The following COL11A2 variants were observed in gnomAD, a reference collection of about 807,000 sequenced individuals.
COL11A2 encodes the protein collagen type XI alpha 2 chain, also known as collagen alpha-2(XI) chain.
COL11A2 carries 116 observed loss-of-function variants against 273.4 expected under a neutral mutation model. The ratio of observed to expected loss-of-function variants is 0.42; its 90% CI spans 0.36 to 0.49. The LOEUF is 0.49. COL11A2 is among the 20% of genes least tolerant of loss of function. COL11A2 has a pLI of 0.00. For missense variants in COL11A2, 1,866 were observed against 2,309.0 expected, an observed-to-expected ratio of 0.81 and a Z score of 3.93; for synonymous variants, 782 against 864.2, an observed-to-expected ratio of 0.90 and a Z score of 1.67.
In COL11A2 at chr6:33,172,149, A is replaced by C. The variant is rs754661212; in HGVS notation, c.2989-46T>G. ...GAAGATGAGACTTCACGAAAAGAGA[A>C]GGGTGAGAGCTGGAGAGGGAAGACA... On this transcript the variant is annotated intron_variant, in intron 40 of 65. Transcript: ENST00000341947. 2.5e-6 allele frequency: 4 copies of C among 1,608,270 alleles called. No homozygotes were observed. The African/African-American group carries it at 5.4e-5, about 22-fold the overall frequency.
rs368488233 is a variant in COL11A2, at chr6:33,165,645, C to T, written c.4654G>A (p.Glu1552Lys). 17 of 1,612,770 alleles carry T rather than the reference C, an allele frequency of 1.1e-5. No homozygotes were observed. The highest frequency in any genetic ancestry group is 1.7e-5 in the Admixed American group (1 of 60,010). Residue 1552 changes from glutamate (E) to lysine (K), a missense_variant, in exon 63 of 66, where the codon GAG becomes AAG. Coordinates refer to ENST00000341947, the MANE Select transcript of COL11A2 (RefSeq NM_080680.3). The surrounding 1 kb of genome is among the most constrained non-coding windows in gnomAD (Gnocchi z 7.7). Reference sequence around the variant, plus strand: ...GGCCGCCTCATCTGCTCGATCTCCTCCCGCAGGGAGTCGAGTGAGCCAAAG... The same window carrying T: ...GGCCGCCTCATCTGCTCGATCTCCTTCCGCAGGGAGTCGAGTGAGCCAAAG... Reference protein sequence around the residue: ...EIFGSLDSLREEIEQMRRPTG... With the variant: ...EIFGSLDSLRKEIEQMRRPTG...
In COL11A2 at chr6:33,176,952, G is replaced by T. The variant is rs1291235914; in HGVS notation, c.2070+40C>A. On this transcript the variant is annotated intron_variant, in intron 25 of 65. Coordinates refer to ENST00000341947, the MANE Select transcript of COL11A2 (RefSeq NM_080680.3). This position sits in a 1 kb window ranked among gnomAD's most constrained non-coding sequence, Gnocchi z 4.9. ...TCTGAGGTCATGCACTGGGGTGGAA[G>T]GCCAAGGGGAACTGGATTCGGAAGT... is the stretch of plus-strand genomic sequence containing the variant. The T allele has an allele frequency of 6.3e-7, 1 of 1,599,502 alleles. No homozygotes were observed. The highest frequency in any genetic ancestry group is 8.5e-7 in the Non-Finnish European group (1 of 1,172,664).
chr6:33,181,306 C>G, intron 8 of COL11A2, 136 bp from the exon 9 acceptor site: 1 of 893,514 alleles, frequency 1.1e-6, no homozygotes, highest in Non-Finnish European at 1.8e-6. Context: ...GCCCCACAGC[C>G]CTCCCCTAAA....
chr6:33,172,212 G>T, intron 40 of COL11A2, 77 bp downstream of exon 40: 2 of 1,569,646 alleles, frequency 1.3e-6, no homozygotes, highest in South Asian at 1.1e-5. Flanking sequence ...ACATGGAGGG[G>T]GTCAGGGACA....
Position 33,179,295 on chromosome 6 carries a change from G to C in COL11A2, c.1504-11C>G, listed in dbSNP as rs1315543468. ...GCTCCCAGGTTGGCCCTGGGAGAGA[G>C]AAGAGAGGATGGCCGTAAGGAAGGA... On this transcript the variant is annotated splice_polypyrimidine_tract_variant and intron_variant, in intron 14 of 65. Coordinates refer to ENST00000341947, the MANE Select transcript of COL11A2 (RefSeq NM_080680.3). The surrounding 1 kb of genome is among the most constrained non-coding windows in gnomAD (Gnocchi z 6.4). 1.2e-6 allele frequency: 2 copies of C among 1,609,128 alleles called. No homozygotes were observed. The highest frequency in any genetic ancestry group is 1.1e-5 in the South Asian group (1 of 89,842).
chr6:33,185,584 A>G, intron 6 of COL11A2, 117 bp downstream of exon 6: 1 of 512,198 alleles, frequency 2.0e-6, no homozygotes, highest in Non-Finnish European at 3.9e-6. Flanking sequence ...AATCCCCATA[A>G]TCTAAACACA....
At position 33,168,997 on chromosome 6, in the gene COL11A2, A is replaced by G; in HGVS notation, c.3810T>C (p.Gly1270=). 1 of 1,608,402 alleles carries G rather than the reference A, an allele frequency of 6.2e-7. No individual in the cohort carries two copies. Among genetic ancestry groups the G allele is most frequent in the East Asian group, 2.2e-5 (1 of 44,778 alleles). The change falls in exon 52 of 66, where the codon GGT becomes GGC. Residue 1270 remains glycine (G), a synonymous_variant. Transcript: ENST00000341947. ...CAGGGGGGCCAGGGTCACCAGGAAA[A>G]CCAACAGGACCCTGATCCAGATGGA... is the stretch of plus-strand genomic sequence containing the variant. The part of the protein sequence containing the change: ...DGPKGNPGPV[G]FPGDPGPPGE...
chr6:33,178,298 G>T lies in COL11A2; in HGVS notation c.1818+10C>A. ...GCCCCCTCCCCCAGCACCAGCCCTT[G>T]GACACTCACCGACTCTCCAGGCAGC... On this transcript the variant is annotated intron_variant, in intron 20 of 65. Transcript: ENST00000341947. This position sits in a 1 kb window ranked among gnomAD's most constrained non-coding sequence, Gnocchi z 4.6. The T allele has an allele frequency of 6.2e-7, 1 of 1,612,686 alleles. No homozygotes were observed. Among genetic ancestry groups the T allele is most frequent in the Middle Eastern group, 1.6e-4 (1 of 6,062 alleles).
chr6:33,163,849 G>A lies in COL11A2; in HGVS notation c.5071-31C>T. ...GGGGGAGACAAGGAAGAAAGTGTGA[G>A]CAGGATGGAGGCACCCCCCACCCTC... On this transcript the variant is annotated intron_variant, in intron 65 of 65. Coordinates refer to ENST00000341947, the MANE Select transcript of COL11A2 (RefSeq NM_080680.3). The surrounding 1 kb of genome is among the most constrained non-coding windows in gnomAD (Gnocchi z 4.1). 2 of 1,612,832 alleles carry A rather than the reference G, an allele frequency of 1.2e-6. No homozygotes were observed. Among genetic ancestry groups the A allele is most frequent in the Non-Finnish European group, 8.5e-7 (1 of 1,179,882 alleles).
At position 33,176,799 on chromosome 6, in the gene COL11A2, C is replaced by T. The variant is rs746183374; in HGVS notation, c.2071-34G>A. On this transcript the variant is annotated intron_variant, in intron 25 of 65. Transcript: ENST00000341947. This position sits in a 1 kb window ranked among gnomAD's most constrained non-coding sequence, Gnocchi z 4.9. ...AAGGGATAGAAAATGTGACCAGTGG[C>T]CCCTGTCACCCTCTCTGCACCCCTC... 37 of 1,606,616 alleles carry T rather than the reference C, an allele frequency of 2.3e-5. No individual in the cohort carries two copies. Among genetic ancestry groups the T allele is most frequent in the Non-Finnish European group, 3.1e-5 (37 of 1,176,250 alleles).
In COL11A2 at chr6:33,171,789, G is replaced by A. The variant is rs1770117540; in HGVS notation, c.3074C>T (p.Ser1025Leu). ...GSPGERGAAG[S>L]GGPIGPPGRP... ...CCCTGGCGGACCAATGGGTCCCCCT[G>A]ATCCTGCTGCACCTCGTTCCCCAGG... Residue 1025 changes from serine to leucine, a missense_variant, in exon 42 of 66, where the codon TCA (serine) becomes TTA (leucine). By Grantham distance (145) the Ser-to-Leu change is moderately radical. Transcript: ENST00000341947. 1.2e-6 allele frequency: 2 copies of A among 1,612,804 alleles called. No individual in the cohort carries two copies. Among genetic ancestry groups the A allele is most frequent in the South Asian group, 1.1e-5 (1 of 91,076 alleles).
chr6:33,166,677 AC>A lies in COL11A2; in HGVS notation c.4338+42del. On this transcript the variant is annotated intron_variant, in intron 59 of 65. Transcript: ENST00000341947. The surrounding 1 kb of genome is among the most constrained non-coding windows in gnomAD (Gnocchi z 4.8). ...CTCCAACTCCACCCCTCTCCACCCC[AC>A]TCTCAACCCCCACAACTTCCGGGAC... 2 of 1,611,416 alleles carry A rather than the reference AC, an allele frequency of 1.2e-6. No homozygotes were observed. The highest frequency in any genetic ancestry group is 1.7e-6 in the Non-Finnish European group (2 of 1,178,458).
In COL11A2 at chr6:33,189,211, A is replaced by C. The variant is rs752769797; in HGVS notation, c.233-23T>G. The stretch of plus-strand genomic sequence containing the variant: ...CTCCTAGTAACCGAGAGAGATACAC[A>C]CAGAGTGAGAGGCAAAGGGAGCCGC... On this transcript the variant is annotated intron_variant, in intron 2 of 65. Transcript: ENST00000341947. This position sits in a 1 kb window ranked among gnomAD's most constrained non-coding sequence, Gnocchi z 5.6. 3 of 1,613,106 alleles carry C rather than the reference A, an allele frequency of 1.9e-6. No homozygotes were observed.
Position 33,164,926 on chromosome 6 carries a change from C to A in COL11A2, c.4789G>T (p.Asp1597Tyr). Reference protein sequence around the residue: ...WVDPNQGCARDAFRVFCNFTA... With the variant: ...WVDPNQGCARYAFRVFCNFTA... ...AAGTTGCAGAAAACTCGGAAGGCAT[C>A]CCGAGCACAGCCCTGGTTGGGGTCG... The change falls in exon 64 of 66, where the codon GAT becomes TAT. Residue 1597 changes from aspartate (D) to tyrosine (Y), a missense_variant. Physicochemically the swap from Asp to Tyr is radical, Grantham distance 160. Coordinates refer to ENST00000341947, the MANE Select transcript of COL11A2 (RefSeq NM_080680.3). This position sits in a 1 kb window ranked among gnomAD's most constrained non-coding sequence, Gnocchi z 4.7. 6.3e-7 allele frequency: 1 copy of A among 1,581,148 alleles called. No homozygotes were observed. Among genetic ancestry groups the A allele is most frequent in the Non-Finnish European group, 8.6e-7 (1 of 1,162,178 alleles).
rs777189741 is a variant in COL11A2, at chr6:33,173,851, G to C, written c.2583+22C>G. 1.7e-5 allele frequency: 28 copies of C among 1,613,782 alleles called. No homozygotes were observed. The highest frequency in any genetic ancestry group is 2.4e-5 in the Non-Finnish European group (28 of 1,179,830). On this transcript the variant is annotated intron_variant, in intron 34 of 65. Transcript: ENST00000341947. The surrounding 1 kb of genome is among the most constrained non-coding windows in gnomAD (Gnocchi z 6.3). Reference sequence around the variant, plus strand: ...GGGCTGAGTGGGCAGGGGGCAGTTGGAGCCTTGTAGAGACCATTCACCTTA... The same window carrying C: ...GGGCTGAGTGGGCAGGGGGCAGTTGCAGCCTTGTAGAGACCATTCACCTTA...
At position 33,176,961 on chromosome 6, in the gene COL11A2, G is replaced by A. The variant is rs1276295767; in HGVS notation, c.2070+31C>T. 6.2e-7 allele frequency: 1 copy of A among 1,604,770 alleles called. No homozygotes were observed. Among genetic ancestry groups the A allele is most frequent in the African/African-American group, 1.3e-5 (1 of 74,768 alleles). Reference sequence around the variant, plus strand: ...ATGCACTGGGGTGGAAGGCCAAGGGGAACTGGATTCGGAAGTGGGGTCCCA... The same window carrying A: ...ATGCACTGGGGTGGAAGGCCAAGGGAAACTGGATTCGGAAGTGGGGTCCCA... On this transcript the variant is annotated intron_variant, in intron 25 of 65. Coordinates refer to ENST00000341947, the MANE Select transcript of COL11A2 (RefSeq NM_080680.3). This position sits in a 1 kb window ranked among gnomAD's most constrained non-coding sequence, Gnocchi z 4.9.
At position 33,163,498 on chromosome 6, in the gene COL11A2, G is replaced by T; in HGVS notation, c.*180C>A. The T allele has an allele frequency of 2.4e-6, 2 of 827,090 alleles. No homozygotes were observed. The highest frequency in any genetic ancestry group is 3.9e-6 in the Non-Finnish European group (2 of 515,258). The allele number at this position is 827,090 out of a possible 1,614,324, so 51.2% of individuals were successfully genotyped here. On this transcript the variant is annotated 3_prime_UTR_variant, in exon 66 of 66. Coordinates refer to ENST00000341947, the MANE Select transcript of COL11A2 (RefSeq NM_080680.3). This position sits in a 1 kb window ranked among gnomAD's most constrained non-coding sequence, Gnocchi z 4.1. ...AAGAGCCCCAGATGCCACTCCTCCC[G>T]TGGGGTGTCCAGGCAACCACTTCAC...
In COL11A2 at chr6:33,189,315, C is replaced by T. The variant is rs1024394982; in HGVS notation, c.232+5G>A. On this transcript the variant is annotated splice_donor_5th_base_variant and intron_variant, in intron 2 of 65. Transcript: ENST00000341947. The surrounding 1 kb of genome is among the most constrained non-coding windows in gnomAD (Gnocchi z 5.6). ...CCCAGGCCTACCCCACCATGTCACC[C>T]ATACCTGGGAAAAGCTGGCGAGTGG... The T allele has an allele frequency of 6.2e-7, 1 of 1,613,932 alleles. No individual in the cohort carries two copies. The highest frequency in any genetic ancestry group is 8.5e-7 in the Non-Finnish European group (1 of 1,180,016).
Position 33,166,375 on chromosome 6 carries a change from C to G in COL11A2, c.4392+138G>C. 1 of 1,247,088 alleles carries G rather than the reference C, an allele frequency of 8.0e-7. No individual in the cohort carries two copies. 77.3% of individuals were successfully genotyped at this position (1,247,088 alleles called of 1,614,324 possible). On this transcript the variant is annotated intron_variant, in intron 60 of 65. Transcript: ENST00000341947. The surrounding 1 kb of genome is among the most constrained non-coding windows in gnomAD (Gnocchi z 4.8). The stretch of plus-strand genomic sequence containing the variant: ...GCCCTGGAAGTATGGGGAGGAGGTA[C>G]TGGTGGTGACAGGACAAATGGGGGA...
Sources: gnomAD v4.1 joint callset for allele counts on GRCh38, gnomAD v4.1.1 for gene constraint, Gnocchi (gnomAD v3.1) non-coding constraint, MANE v1.5 for transcripts, NCBI Gene and HGNC (gene_info 2026-07-23, HGNC 2026-07-21) for gene names.